Variants in KDM3B observed in about 807,000 individuals in gnomAD.
The protein encoded by KDM3B is lysine demethylase 3B, also known as lysine-specific demethylase 3B.
KDM3B carries 10 observed loss-of-function variants against 170.0 expected under a neutral mutation model. The ratio of observed to expected loss-of-function variants is 0.06; its 90% CI spans 0.04 to 0.10. The LOEUF is 0.10. KDM3B is among the 10% of genes least tolerant of loss of function. The probability of loss-of-function intolerance (pLI) is 1.00; values close to 1 mark genes in which losing one functional copy is unlikely to be tolerated. For synonymous variants in KDM3B, 831 were observed against 834.8 expected (o/e 1.00, Z 0.08); for missense variants, 1,394 against 2,195.2 (o/e 0.64, Z 7.29).
intron 13 of KDM3B, 131 bp from the exon 14 acceptor site, chr5:138,418,822 T>C (rs777483479): frequency 1.3e-5 from 11 of 862,864 alleles, no homozygotes; most frequent in African/African-American, 3.4e-5. Flanking sequence ...TTGAATTAAA[T>C]AATGTATGAA....
chr5:138,363,616 G>T (rs917061889), intron 1 of KDM3B, among the ~76,000 whole-genome samples: 1 of 151,736 alleles, frequency 6.6e-6, no homozygotes, highest in African/African-American at 2.4e-5. Context: ...GTGTGATCTC[G>T]GCTCACTGCA....
At chr5:138,366,600 G>C (rs906635514) in intron 1 of KDM3B, among the ~76,000 whole-genome samples, 1 of 152,110 alleles carries the variant, frequency 6.6e-6, no homozygotes, top group African/African-American at 2.4e-5. Flanking sequence ...CAAAGTGTTG[G>C]GGATTACAGG....
intron 1 of KDM3B, among the ~76,000 whole-genome samples, chr5:138,360,862 G>T (rs575878916): frequency 1.3e-5 from 2 of 152,178 alleles, no homozygotes; most frequent in South Asian, 2.1e-4. Context: ...AAAGTGCTGG[G>T]ATTACAGGCG....
At position 138,376,916 on chromosome 5, in the gene KDM3B, TG is replaced by T. The variant is rs1457483753; in HGVS notation, c.475-803del. Among the ~76,000 whole-genome samples, 5 of 152,140 alleles carry T rather than the reference TG, an allele frequency of 3.3e-5. No individual in the cohort carries two copies. In the East Asian group the frequency reaches 9.7e-4, roughly 29 times the overall value. On this transcript the variant is annotated intron_variant, in intron 3 of 23. Coordinates refer to ENST00000314358, the MANE Select transcript of KDM3B (RefSeq NM_016604.4). ...GTTATAGTTTCAGAATTTAGGGAAA[TG>T]TATTTATTTTTCACTTGTAAGGGTT...
intron 1 of KDM3B, among the ~76,000 whole-genome samples, chr5:138,360,569 TTTC>T (rs1382447488): frequency 4.1e-5 from 4 of 97,508 alleles, no homozygotes; most frequent in Non-Finnish European, 7.4e-5. Context: ...AATAGTTCTA[TTTC>T]TTTTTTTTTT....
chr5:138,393,400 G>T, intron 9 of KDM3B, 28 bp downstream of exon 9: 2 of 1,580,618 alleles, frequency 1.3e-6, no homozygotes, highest in Non-Finnish European at 1.7e-6. Flanking sequence ...TTCCTCCTTT[G>T]CTAGTTTTCA....
rs1436497229 is a variant in KDM3B at position 138,427,245 on chromosome 5, G to A, written c.4559G>A (p.Arg1520Lys). 6.2e-7 allele frequency: 1 copy of A among 1,613,992 alleles called. No homozygotes were observed. Among genetic ancestry groups the A allele is most frequent in the African/African-American group, 1.3e-5 (1 of 74,920 alleles). ...CCAGAATATACCAAACGAGATGGCA[G>A]GCTCAATCTGGCCTCTAGGCTACCT... is the stretch of plus-strand genomic sequence containing the variant. Reference protein sequence around the residue: ...PLPEYTKRDGRLNLASRLPSY... With the variant: ...PLPEYTKRDGKLNLASRLPSY... The change falls in exon 19 of 24, where the codon AGG becomes AAG. Residue 1520 changes from arginine (R) to lysine (K), a missense_variant. Arg to Lys is a conservative substitution (Grantham distance 26). Around this residue, in one of 19 missense-constraint regions of KDM3B, gnomAD observed 66 missense variants for 178.8 expected, o/e 0.37. Transcript: ENST00000314358.
intron 11 of KDM3B, among the ~76,000 whole-genome samples, chr5:138,401,517 C>A (rs1762693949): frequency 6.6e-6 from 1 of 152,134 alleles, no homozygotes; most frequent in South Asian, 2.1e-4. Flanking sequence ...GTTTATTCAC[C>A]AGTTGATGGA....
At chr5:138,353,388 C>T (rs1029781033) in intron 1 of KDM3B, among the ~76,000 whole-genome samples, 1 of 152,262 alleles carries the variant, frequency 6.6e-6, no homozygotes, top group African/African-American at 2.4e-5. Context: ...CCAGCCTCTC[C>T]CAGGAGACCT....
Position 138,433,597 on chromosome 5 carries a change from C to T in KDM3B, c.5206-2023C>T, listed in dbSNP as rs540898715. Among the ~76,000 whole-genome samples the T allele has an allele frequency of 7.9e-5, 12 of 151,862 alleles. No individual in the cohort carries two copies. In the South Asian group the frequency reaches 2.1e-3, roughly 26 times the overall value. On this transcript the variant is annotated intron_variant, in intron 23 of 23. Coordinates refer to ENST00000314358, the MANE Select transcript of KDM3B (RefSeq NM_016604.4). ...TAATTTTTGTATTTTTTGGTAGAGA[C>T]GTGGTTTCACCATTTTGGCAAGGCT...
intron 5 of KDM3B, among the ~76,000 whole-genome samples, chr5:138,380,329 T>C (rs1418945121): frequency 1.3e-5 from 2 of 148,764 alleles, no homozygotes; most frequent in Non-Finnish European, 3.0e-5. Flanking sequence ...TATATATGAG[T>C]TATATGATAT....
At position 138,431,446 on chromosome 5, in the gene KDM3B, A is replaced by G; in HGVS notation, c.5092A>G (p.Ile1698Val). The G allele has an allele frequency of 6.2e-7, 1 of 1,610,256 alleles. No individual in the cohort carries two copies. Among genetic ancestry groups the G allele is most frequent in the Non-Finnish European group, 8.5e-7 (1 of 1,178,474 alleles). Reference sequence around the variant, plus strand: ...TCAGGTTCACAATCTATACAGTTGCATAAAAGTAGCAGAAGACTTTGTATC... The same window carrying G: ...TCAGGTTCACAATCTATACAGTTGCGTAAAAGTAGCAGAAGACTTTGTATC... ...PHQVHNLYSC[I>V]KVAEDFVSPE... Residue 1698 changes from isoleucine to valine, a missense_variant, in exon 23 of 24, where the codon ATA (isoleucine) becomes GTA (valine). Around this residue, in one of 19 missense-constraint regions of KDM3B, gnomAD observed 79 missense variants for 270.5 expected, o/e 0.29. Transcript: ENST00000314358.
At chr5:138,419,712 TATATATACACACACATACACAC>T (rs1763215444) in intron 14 of KDM3B, among the ~76,000 whole-genome samples, 3 of 90,320 alleles carry the variant, frequency 3.3e-5, no homozygotes, top group African/African-American at 9.4e-5. Context: ...CACACACACA[TATATATACACACACATACACAC>T]ACACACACAC....
chr5:138,402,138 G>A (rs1374148022), intron 11 of KDM3B, among the ~76,000 whole-genome samples: 1 of 151,992 alleles, frequency 6.6e-6, no homozygotes, highest in Non-Finnish European at 1.5e-5. Flanking sequence ...TGCCCAGTCT[G>A]GTTGCTAATT....
intron 1 of KDM3B, among the ~76,000 whole-genome samples, chr5:138,354,529 G>A (rs1297794168): frequency 2.0e-5 from 3 of 152,130 alleles, no homozygotes; most frequent in African/African-American, 7.2e-5. Context: ...TTCTTGCAGT[G>A]GTCGTCTCGT....
At chr5:138,415,580 GGCAT>G (rs1763082007) in intron 12 of KDM3B, among the ~76,000 whole-genome samples, 1 of 151,490 alleles carries the variant, frequency 6.6e-6, no homozygotes, top group Non-Finnish European at 1.5e-5. Flanking sequence ...TAGGACTACA[GGCAT>G]GCACCACCAC....
chr5:138,413,630 AT>A (rs752477585), intron 11 of KDM3B, among the ~76,000 whole-genome samples: 4 of 151,952 alleles, frequency 2.6e-5, no homozygotes, highest in African/African-American at 9.7e-5. Flanking sequence ...TGCTTTATTT[AT>A]TTTTTTGTTT....
intron 11 of KDM3B, among the ~76,000 whole-genome samples, chr5:138,414,108 A>G (rs1008398420): frequency 2.0e-5 from 3 of 152,214 alleles, no homozygotes; most frequent in Admixed American, 6.5e-5. Context: ...AAGAAACCCA[A>G]CACAAAGACT....
chr5:138,414,606 G>A (rs1033536729), intron 11 of KDM3B, among the ~76,000 whole-genome samples: 1 of 152,296 alleles, frequency 6.6e-6, no homozygotes, highest in African/African-American at 2.4e-5. Context: ...TGTTCATTCA[G>A]TTTCTCTAAA....
Sources: allele counts gnomAD v4.1 joint callset (sites outside exome capture counted in the v4.1 genomes callset), GRCh38; gene constraint gnomAD v4.1.1; regional missense constraint gnomAD v4.1.1; transcripts MANE v1.5; gene names NCBI Gene and HGNC (gene_info 2026-07-23, HGNC 2026-07-21).